PDPK1: variants seen among roughly 807,000 people sequenced by gnomAD.
PDPK1 encodes the protein 3-phosphoinositide dependent protein kinase 1.
A neutral mutation model predicts 39.8 loss-of-function variants in PDPK1; 7 were observed. That is an observed-to-expected ratio of 0.18 (90% CI 0.10 to 0.33). The LOEUF (loss-of-function observed/expected upper bound fraction) is 0.33, where lower values mean the gene tolerates loss of function less well. Ranked by LOEUF, PDPK1 falls within the 10% of genes least tolerant of loss-of-function variation. The pLI, the probability that PDPK1 is intolerant of heterozygous loss-of-function variation, is 1.00. For missense variants in PDPK1, 182 were observed against 384.7 expected (o/e 0.47, Z 4.41); for synonymous variants, 118 against 159.1 (o/e 0.74, Z 1.95).
In PDPK1 at chr16:2,597,421, A is replaced by G; in HGVS notation, c.1554+146A>G. ...TTCCGACATCCCAGACGCCCACACT[A>G]GTGGCTCAGTCCTGAGGGGGCAGGG... On this transcript the variant is annotated intron_variant, in intron 13 of 13. Transcript: ENST00000342085. The surrounding 1 kb of genome is among the most constrained non-coding windows in gnomAD (Gnocchi z 6.3). 1.3e-6 allele frequency: 1 copy of G among 784,716 alleles called. No individual in the cohort carries two copies. Among genetic ancestry groups the G allele is most frequent in the East Asian group, 2.5e-5 (1 of 40,650 alleles). The allele number at this position is 784,716 out of a possible 1,614,324, so 48.6% of individuals were successfully genotyped here. A position where few individuals can be genotyped will look rare whatever the true frequency, so the allele number is the denominator to read the frequency against.
rs71386681 is a variant in PDPK1, at chr16:2,600,145, G to A, written c.*2378G>A. 3 of 211,962 alleles carry A rather than the reference G, an allele frequency of 1.4e-5. No individual in the cohort carries two copies. Among genetic ancestry groups the A allele is most frequent in the Admixed American group, 1.2e-4 (2 of 16,724 alleles). 13.1% of individuals were successfully genotyped at this position (211,962 alleles called of 1,614,324 possible). ...TCCGGTTTTCTCTACCACATCCTTA[G>A]AGCCATCACCTGGCACGCAGGCGCC... is the stretch of plus-strand genomic sequence containing the variant. On this transcript the variant is annotated 3_prime_UTR_variant, in exon 14 of 14. Transcript: ENST00000342085.
At chr16:2,577,588 C>A in intron 7 of PDPK1, 88 bp downstream of exon 7, 1 of 677,904 alleles carries the variant, frequency 1.5e-6, no homozygotes, top group Non-Finnish European at 2.7e-6. Flanking sequence ...CTTTAAGTAG[C>A]TAAGCATACT....
At chr16:2,587,227 A>C (rs912199745) in intron 11 of PDPK1, among the ~76,000 whole-genome samples, 1 of 152,162 alleles carries the variant, frequency 6.6e-6, no homozygotes, top group Non-Finnish European at 1.5e-5. Context: ...CCTCTTTTCC[A>C]CATAGCTTTC....
Position 2,538,516 on chromosome 16 carries a change from G to A in PDPK1, c.24+380G>A, listed in dbSNP as rs572927134. ...TCTGTCTGTAGAGGAACCGCCCTGG[G>A]CTTCCACCTGGAACGGGGTCCTTGG... is the stretch of plus-strand genomic sequence containing the variant. On this transcript the variant is annotated intron_variant, in intron 1 of 13. Coordinates refer to ENST00000342085, the MANE Select transcript of PDPK1 (RefSeq NM_002613.5). 95 of 662,146 alleles carry A rather than the reference G, an allele frequency of 1.4e-4. No homozygotes were observed. The African/African-American group carries it at 1.5e-3, about 11-fold the overall frequency. The allele number at this position is 662,146 out of a possible 1,614,324, so 41.0% of individuals were successfully genotyped here. A position where few individuals can be genotyped will look rare whatever the true frequency, so the allele number is the denominator to read the frequency against.
chr16:2,574,051 G>A (rs2066685322), intron 6 of PDPK1, among the ~76,000 whole-genome samples: 1 of 13,550 alleles, frequency 7.4e-5, no homozygotes, highest in Non-Finnish European at 1.3e-4. Flanking sequence ...CGCCTGCCTC[G>A]GCCTCCCAGA....
chr16:2,545,829 G>A (rs1237321367), intron 1 of PDPK1, among the ~76,000 whole-genome samples: 1 of 152,058 alleles, frequency 6.6e-6, no homozygotes, highest in East Asian at 1.9e-4. Context: ...TTGTACAGAT[G>A]GGGTCTCGCT....
Position 2,601,183 on chromosome 16 carries a change from G to GTC in PDPK1, c.*3425_*3426dup, listed in dbSNP as rs1020691345. The GTC allele has an allele frequency of 8.6e-6, 2 of 233,164 alleles. No individual in the cohort carries two copies. The highest frequency in any genetic ancestry group is 4.4e-5 in the African/African-American group (2 of 45,250). 14.4% of individuals were successfully genotyped at this position (233,164 alleles called of 1,614,324 possible). ...GTTTGTTCATTTTGAAGATATTTCTGTCTCTCTCTCGACCTGATGTGTAGA... is the reference window on the plus strand; with the variant it reads ...GTTTGTTCATTTTGAAGATATTTCTGTCTCTCTCTCTCGACCTGATGTGTAGA... On this transcript the variant is annotated 3_prime_UTR_variant, in exon 14 of 14. Transcript: ENST00000342085.
chr16:2,546,402 C>T (rs558974866), intron 1 of PDPK1, among the ~76,000 whole-genome samples: 6 of 152,148 alleles, frequency 3.9e-5, no homozygotes, highest in South Asian at 2.1e-4. Context: ...GGCGCGATCT[C>T]GGCTCACTGC....
At chr16:2,538,969 G>C in intron 1 of PDPK1, 1 of 336,628 alleles carries the variant, frequency 3.0e-6, no homozygotes, top group Non-Finnish European at 5.6e-6. Flanking sequence ...ATGTGCAGTG[G>C]GTGATGGAAG....
chr16:2,587,247 C>T (rs1174584522), intron 11 of PDPK1, among the ~76,000 whole-genome samples: 1 of 152,118 alleles, frequency 6.6e-6, no homozygotes, highest in African/African-American at 2.4e-5. Flanking sequence ...CCCCACTTGT[C>T]CATTTATGTC....
chr16:2,546,701 T>A (rs957332958), intron 1 of PDPK1, among the ~76,000 whole-genome samples: 4 of 152,196 alleles, frequency 2.6e-5, no homozygotes, highest in African/African-American at 7.2e-5. Flanking sequence ...CCTGGTCTCT[T>A]TCCTGCTTGG....
intron 6 of PDPK1, chr16:2,575,985 CGATGATA>C (rs1567158482): frequency 7.0e-6 from 1 of 142,250 alleles, no homozygotes; most frequent in Non-Finnish European, 1.5e-5. Context: ...AAGCAACACT[CGATGATA>C]GTAAAGAACA....
intron 1 of PDPK1, among the ~76,000 whole-genome samples, chr16:2,546,593 G>A (rs1424096180): frequency 1.3e-5 from 2 of 152,182 alleles, no homozygotes; most frequent in Admixed American, 6.5e-5. Context: ...GCCTCCCAAA[G>A]TGCTGGGATT....
Position 2,597,518 on chromosome 16 carries a change from T to G in PDPK1, c.1555-133T>G, listed in dbSNP as rs547802119. On this transcript the variant is annotated intron_variant, in intron 13 of 13. Coordinates refer to ENST00000342085, the MANE Select transcript of PDPK1 (RefSeq NM_002613.5). The surrounding 1 kb of genome is among the most constrained non-coding windows in gnomAD (Gnocchi z 6.3). Reference sequence around the variant, plus strand: ...GTCATCAGCCTGTGTAGTTGCTTACTGCTTGTGTGAATAACCGTCACACCC... The same window carrying G: ...GTCATCAGCCTGTGTAGTTGCTTACGGCTTGTGTGAATAACCGTCACACCC... 1.9e-5 allele frequency: 14 copies of G among 752,190 alleles called. No individual in the cohort carries two copies. The highest frequency in any genetic ancestry group is 3.3e-5 in the Non-Finnish European group (14 of 420,116). 46.6% of individuals were successfully genotyped at this position (752,190 alleles called of 1,614,324 possible). A position where few individuals can be genotyped will look rare whatever the true frequency, so the allele number is the denominator to read the frequency against.
In PDPK1 at chr16:2,598,799, C is replaced by G. The variant is rs1190564156; in HGVS notation, c.*1032C>G. The stretch of plus-strand genomic sequence containing the variant: ...CAGCAGACCCAGGGTGCTTCTGTCT[C>G]CTGCAGACCACGCCAGGGAGTGCAG... On this transcript the variant is annotated 3_prime_UTR_variant, in exon 14 of 14. Coordinates refer to ENST00000342085, the MANE Select transcript of PDPK1 (RefSeq NM_002613.5). 1 of 233,264 alleles carries G rather than the reference C, an allele frequency of 4.3e-6. No individual in the cohort carries two copies. Among genetic ancestry groups the G allele is most frequent in the Non-Finnish European group, 8.5e-6 (1 of 118,126 alleles). The allele number at this position is 233,264 out of a possible 1,614,324, so 14.4% of individuals were successfully genotyped here. A position where few individuals can be genotyped will look rare whatever the true frequency, so the allele number is the denominator to read the frequency against.
At chr16:2,589,750 T>G (rs1401899987) in intron 11 of PDPK1, among the ~76,000 whole-genome samples, 1 of 152,060 alleles carries the variant, frequency 6.6e-6, no homozygotes, top group East Asian at 1.9e-4. Flanking sequence ...TGGAATAGTT[T>G]ACACTTAAAA....
chr16:2,545,551 G>A (rs185941309), intron 1 of PDPK1, among the ~76,000 whole-genome samples: 268 of 152,152 alleles, frequency 1.8e-3, no homozygotes, highest in Non-Finnish European at 2.6e-3. Context: ...CTGGAGTGCA[G>A]TGGTGTGATG....
chr16:2,552,418 G>A (rs1311176485), intron 1 of PDPK1, among the ~76,000 whole-genome samples: 1 of 151,690 alleles, frequency 6.6e-6, no homozygotes, highest in Non-Finnish European at 1.5e-5. Flanking sequence ...ATTTTTACAA[G>A]TTCCAATTTG....
Position 2,603,097 on chromosome 16 carries a change from T to C in PDPK1, c.*5330T>C, listed in dbSNP as rs1288130226. 8.8e-6 allele frequency: 2 copies of C among 227,556 alleles called. No individual in the cohort carries two copies. The highest frequency in any genetic ancestry group is 4.4e-5 in the African/African-American group (2 of 44,996). The allele number at this position is 227,556 out of a possible 1,614,324, so 14.1% of individuals were successfully genotyped here. A position where few individuals can be genotyped will look rare whatever the true frequency, so the allele number is the denominator to read the frequency against. On this transcript the variant is annotated 3_prime_UTR_variant, in exon 14 of 14. Coordinates refer to ENST00000342085, the MANE Select transcript of PDPK1 (RefSeq NM_002613.5). ...AATGAATCTGTTTATCCTTTTTTTTTTTCCAAATACTTGTGCTTTAGGTGT... is the reference window on the plus strand; with the variant it reads ...AATGAATCTGTTTATCCTTTTTTTTCTTCCAAATACTTGTGCTTTAGGTGT...
Sources: gnomAD v4.1 joint callset for allele counts (sites outside exome capture counted in the v4.1 genomes callset) on GRCh38, gnomAD v4.1.1 for gene constraint, Gnocchi (gnomAD v3.1) non-coding constraint, MANE v1.5 for transcripts, NCBI Gene and HGNC (gene_info 2026-07-23, HGNC 2026-07-21) for gene names.